The following GLI3 variants were observed in gnomAD, a reference collection of about 807,000 sequenced individuals.
The protein encoded by GLI3 is GLI family zinc finger 3.
Under a neutral mutation model 100.8 loss-of-function variants are expected in GLI3, and 20 were observed. The observed-to-expected ratio is 0.20, with a 90% CI of 0.14 to 0.29. The LOEUF is 0.29. Ranked by LOEUF, GLI3 falls within the 10% of genes least tolerant of loss-of-function variation. The pLI is 1.00. For missense variants in GLI3, 2,040 were observed against 2,128.5 expected (o/e 0.96, Z 0.82); for synonymous variants, 938 against 860.5 (o/e 1.09, Z -1.58).
chr7:42,130,732 A>G (rs1245218037), intron 3 of GLI3, among the ~76,000 whole-genome samples: 2 of 152,228 alleles, frequency 1.3e-5, no homozygotes, highest in East Asian at 1.9e-4. Context: ...AATAGAAATC[A>G]TCCATAGAGT....
intron 2 of GLI3, among the ~76,000 whole-genome samples, chr7:42,167,616 G>T (rs1056837767): frequency 6.6e-6 from 1 of 152,190 alleles, no homozygotes; most frequent in African/African-American, 2.4e-5. Context: ...GAAAGAGAGA[G>T]AGAAATAAAC....
At chr7:41,978,975 G>A (rs1463527977) in intron 10 of GLI3, among the ~76,000 whole-genome samples, 3 of 152,180 alleles carry the variant, frequency 2.0e-5, no homozygotes, top group Non-Finnish European at 4.4e-5. Flanking sequence ...TGGCAAGACC[G>A]GGATGGAGCC....
chr7:41,968,737 A>AAGG (rs1787272615), intron 13 of GLI3, among the ~76,000 whole-genome samples: 1 of 117,816 alleles, frequency 8.5e-6, no homozygotes, highest in African/African-American at 4.5e-5. Flanking sequence ...AGAAAGAAAG[A>AAGG]AAGAAAGAAA....
In GLI3 at chr7:41,967,714, C is replaced by T. The variant is rs1403768367; in HGVS notation, c.2313G>A (p.Gly771=). Reference sequence around the variant, plus strand: ...GTTTTACGTGCTCCATCCATTTGGTCCCTGCCGGGTTTCTCCTGGCTTGCA... The same window carrying T: ...GTTTTACGTGCTCCATCCATTTGGTTCCTGCCGGGTTTCTCCTGGCTTGCA... The part of the protein sequence containing the change: ...LALQARRNPA[G]TKWMEHVKLE... Residue 771 remains glycine (G), a synonymous_variant, in exon 14 of 15, where the codon GGG becomes GGA. Transcript: ENST00000395925. 10 of 1,614,026 alleles carry T rather than the reference C, an allele frequency of 6.2e-6. No individual in the cohort carries two copies. The highest frequency in any genetic ancestry group is 8.5e-6 in the Non-Finnish European group (10 of 1,180,026).
intron 3 of GLI3, among the ~76,000 whole-genome samples, chr7:42,105,373 A>G (rs1785550276): frequency 1.3e-5 from 2 of 152,170 alleles, no homozygotes; most frequent in Admixed American, 6.5e-5. Flanking sequence ...TTCAGAAAGA[A>G]TCTTGTTTCT....
At chr7:42,077,339 G>T (rs949458700) in intron 3 of GLI3, among the ~76,000 whole-genome samples, 1 of 151,212 alleles carries the variant, frequency 6.6e-6, no homozygotes, top group African/African-American at 2.4e-5. Context: ...GCTAGAATCT[G>T]TGGCTGATAT....
chr7:42,097,837 A>C (rs1024218192), intron 3 of GLI3, among the ~76,000 whole-genome samples: 1 of 152,108 alleles, frequency 6.6e-6, no homozygotes, highest in African/African-American at 2.4e-5. Context: ...CGACACCCCT[A>C]GTGGACAGAT....
chr7:42,029,723 C>T (rs571983974), intron 7 of GLI3, among the ~76,000 whole-genome samples: 2 of 152,296 alleles, frequency 1.3e-5, no homozygotes, highest in African/African-American at 4.8e-5. Flanking sequence ...TTTACATTCA[C>T]GTTCCAGCTT....
intron 2 of GLI3, among the ~76,000 whole-genome samples, chr7:42,178,760 G>T (rs537748500): frequency 6.6e-6 from 1 of 152,292 alleles, no homozygotes; most frequent in South Asian, 2.1e-4. Flanking sequence ...TTACCAAGCG[G>T]CTATGGGAAA....
intron 10 of GLI3, among the ~76,000 whole-genome samples, chr7:41,979,132 T>C (rs569313427): frequency 1.4e-4 from 22 of 152,328 alleles, no homozygotes; most frequent in Non-Finnish European, 2.4e-4. Context: ...AGGCTGGCGA[T>C]TGAGGCTAAA....
chr7:42,042,015 T>G lies in GLI3; in HGVS notation c.827-1776A>C, dbSNP rs1033561606. Among the ~76,000 whole-genome samples the G allele has an allele frequency of 2.6e-3, 89 of 34,376 alleles. No individual in the cohort carries two copies. The African/African-American group carries it at 0.042, about 16-fold the overall frequency. 22.6% of individuals were successfully genotyped at this position (34,376 alleles called of 152,430 possible). Reference sequence around the variant, plus strand: ...AAAATAGCAATCCCAACGATTTCCTTTTTTTTTTTTTTTTTTTGAGATGTG... The same window carrying G: ...AAAATAGCAATCCCAACGATTTCCTGTTTTTTTTTTTTTTTTTGAGATGTG... On this transcript the variant is annotated intron_variant, in intron 6 of 14. Coordinates refer to ENST00000395925, the MANE Select transcript of GLI3 (RefSeq NM_000168.6).
chr7:41,978,753 G>C lies in GLI3; in HGVS notation c.1498-5C>G, dbSNP rs1332640290. ...AATATGGTCGTTATTTATATGCTGG[G>C]GTTTGGAAAAAGAGAGAGAAATCAA... is the stretch of plus-strand genomic sequence containing the variant. On this transcript the variant is annotated splice_polypyrimidine_tract_variant and splice_region_variant and intron_variant, in intron 10 of 14. Transcript: ENST00000395925. 2 of 1,613,364 alleles carry C rather than the reference G, an allele frequency of 1.2e-6. No homozygotes were observed. Among genetic ancestry groups the C allele is most frequent in the East Asian group, 2.2e-5 (1 of 44,880 alleles).
chr7:42,040,372 C>T (rs1784109126), intron 6 of GLI3, 133 bp from the exon 7 acceptor site: 7 of 717,234 alleles, frequency 9.8e-6, no homozygotes, highest in Non-Finnish European at 1.5e-5. Flanking sequence ...CCTCTCCTCC[C>T]CCATGTGATC....
In GLI3 at chr7:42,040,242, G is replaced by A; in HGVS notation, c.827-3C>T. 1 of 1,609,742 alleles carries A rather than the reference G, an allele frequency of 6.2e-7. No homozygotes were observed. The highest frequency in any genetic ancestry group is 8.5e-7 in the Non-Finnish European group (1 of 1,176,138). On this transcript the variant is annotated splice_polypyrimidine_tract_variant and splice_region_variant and intron_variant, in intron 6 of 14. Coordinates refer to ENST00000395925, the MANE Select transcript of GLI3 (RefSeq NM_000168.6). ...CCTGGGGCTGGAGAATCTGGTGCCT[G>A]TTATATAAACAAAAAAGAACCTAAT...
intron 7 of GLI3, among the ~76,000 whole-genome samples, chr7:42,039,530 C>T (rs1784087084): frequency 6.6e-6 from 1 of 152,178 alleles, no homozygotes; most frequent in African/African-American, 2.4e-5. Flanking sequence ...GATATCTATG[C>T]TTTCCAATGT....
At chr7:42,011,658 AC>A (rs1788616619) in intron 10 of GLI3, among the ~76,000 whole-genome samples, 3 of 152,240 alleles carry the variant, frequency 2.0e-5, no homozygotes, top group Non-Finnish European at 2.9e-5. Flanking sequence ...CAGACATCGT[AC>A]AAAAGGTCAC....
At chr7:42,219,911 T>C (rs552307198) in intron 2 of GLI3, among the ~76,000 whole-genome samples, 4 of 151,164 alleles carry the variant, frequency 2.6e-5, no homozygotes, top group South Asian at 2.1e-4. Context: ...TGGAGTGCAG[T>C]GGCACGATCT....
chr7:42,238,352 G>GC (rs551708421), upstream of GLI3, among the ~76,000 whole-genome samples: 784 of 151,904 alleles, frequency 5.2e-3, 4 homozygotes, highest in African/African-American at 0.017. Context: ...GATTACCACC[G>GC]CCCCCCATCC....
At chr7:42,154,838 T>C (rs990110664) in intron 2 of GLI3, among the ~76,000 whole-genome samples, 13 of 152,188 alleles carry the variant, frequency 8.5e-5, no homozygotes, top group Admixed American at 3.9e-4. Context: ...GAGCAAACAA[T>C]GCCCACTCTA....
Sources: allele counts gnomAD v4.1 joint callset (sites outside exome capture counted in the v4.1 genomes callset), GRCh38; gene constraint gnomAD v4.1.1; transcripts MANE v1.5; gene names NCBI Gene and HGNC (gene_info 2026-07-23, HGNC 2026-07-21).